The following LDB3 variants were observed in gnomAD, a reference collection of about 807,000 sequenced individuals.
The protein encoded by LDB3 is LIM domain-binding protein 3.
In LDB3, 49 loss-of-function variants were observed where a neutral mutation model predicts 69.0. The observed-to-expected ratio is 0.71, with a 90% CI of 0.56 to 0.90. LDB3 has a LOEUF of 0.90. Among genes scored for constraint, LDB3 ranks in the 40% least tolerant of loss-of-function variants. LDB3 has a pLI of 0.00. For synonymous variants in LDB3, 387 were observed against 396.2 expected, an observed-to-expected ratio of 0.98 and a Z score of 0.28; for missense variants, 928 against 974.1, an observed-to-expected ratio of 0.95 and a Z score of 0.63.
chr10:86,687,045 C>A (rs780678582), intron 5 of LDB3: 16 of 1,611,146 alleles, frequency 9.9e-6, no homozygotes, highest in Non-Finnish European at 1.4e-5. Flanking sequence ...TCTCCCTGCC[C>A]GTACTCCCGC....
chr10:86,678,552 C>G (rs1304672647), intron 2 of LDB3, among the ~76,000 whole-genome samples: 1 of 151,836 alleles, frequency 6.6e-6, no homozygotes, highest in Non-Finnish European at 1.5e-5. Context: ...ATTGGCCAGG[C>G]TGATCTCGAA....
chr10:86,724,240 A>G (rs58389996), intron 12 of LDB3, among the ~76,000 whole-genome samples: 35,273 of 150,690 alleles, frequency 0.23, 4,836 homozygotes, highest in East Asian at 0.58. Flanking sequence ...GAACCCTGGG[A>G]GGCAGAGGTT....
intron 9 of LDB3, among the ~76,000 whole-genome samples, chr10:86,716,112 G>C (rs1234719227): frequency 6.6e-6 from 1 of 152,132 alleles, no homozygotes; most frequent in African/African-American, 2.4e-5. Context: ...CCTGTCGAGG[G>C]TTCTGCTGTG....
intron 9 of LDB3, among the ~76,000 whole-genome samples, chr10:86,713,196 C>T (rs1171523123): frequency 6.6e-6 from 1 of 152,156 alleles, no homozygotes; most frequent in Non-Finnish European, 1.5e-5. Flanking sequence ...AGCTGCTCAT[C>T]GGCCACGTAG....
chr10:86,719,253 G>A (rs111698646), intron 12 of LDB3, among the ~76,000 whole-genome samples: 6 of 152,268 alleles, frequency 3.9e-5, no homozygotes, highest in African/African-American at 1.2e-4. Context: ...TTAGCCAGGT[G>A]TGGTGGCGCG....
intron 13 of LDB3, among the ~76,000 whole-genome samples, chr10:86,730,775 A>G (rs1847426339): frequency 6.6e-6 from 1 of 152,190 alleles, no homozygotes; most frequent in Admixed American, 6.5e-5. Flanking sequence ...GGTCCATGGT[A>G]GTCCCCACAA....
chr10:86,697,443 A>G (rs990465508), intron 7 of LDB3, among the ~76,000 whole-genome samples: 2 of 148,302 alleles, frequency 1.3e-5, no homozygotes, highest in Admixed American at 6.7e-5. Flanking sequence ...CTGGTCTTGA[A>G]CTCCTGACCT....
intron 11 of LDB3, 77 bp from the exon 12 acceptor site, chr10:86,718,650 A>G: frequency 6.3e-7 from 1 of 1,599,198 alleles, no homozygotes; most frequent in Non-Finnish European, 8.6e-7. Flanking sequence ...ATGCTCGGGC[A>G]GTGGCTGGAG....
chr10:86,711,944 C>A (rs915408413), intron 9 of LDB3, among the ~76,000 whole-genome samples: 8 of 152,068 alleles, frequency 5.3e-5, no homozygotes, highest in African/African-American at 1.9e-4. Context: ...TTTGAACTTG[C>A]CAATTAGAGA....
chr10:86,678,583 C>A (rs1844936456), intron 2 of LDB3, among the ~76,000 whole-genome samples: 1 of 152,064 alleles, frequency 6.6e-6, no homozygotes, highest in South Asian at 2.1e-4. Flanking sequence ...TGTGATCCAC[C>A]CACCTTGGCC....
At chr10:86,666,837 G>T (rs550972381), upstream of LDB3, 326 of 469,870 alleles carry the variant, frequency 6.9e-4, 2 homozygotes, top group African/African-American at 6.2e-3. Flanking sequence ...GAGAGACAGC[G>T]TGCAGCTCCA....
At position 86,706,718 on chromosome 10, in the gene LDB3, A is replaced by G. The variant is rs1341773470; in HGVS notation, c.1084A>G (p.Arg362Gly). The G allele has an allele frequency of 2.5e-6, 4 of 1,610,872 alleles. No individual in the cohort carries two copies. Among genetic ancestry groups the G allele is most frequent in the East Asian group, 2.2e-5 (1 of 44,820 alleles). ...APASSPADSP[R>G]PQASSYSPAV... ...TGCTTCAAGTCCTGCCGACAGCCCA[A>G]GGTAACTGGGCCACAGGTGCTGGGC... The change falls in exon 8 of 14, where the codon AGG becomes GGG. Residue 362 changes from arginine to glycine, a missense_variant and splice_region_variant. Physicochemically the swap from Arg to Gly is moderately radical, Grantham distance 125. Coordinates refer to ENST00000361373, the MANE Select transcript of LDB3 (RefSeq NM_007078.3).
Position 86,699,395 on chromosome 10 carries a change from C to T in LDB3, c.896+6824C>T, listed in dbSNP as rs752050928. 1.9e-6 allele frequency: 3 copies of T among 1,613,436 alleles called. No homozygotes were observed. Among genetic ancestry groups the T allele is most frequent in the Admixed American group, 1.7e-5 (1 of 60,012 alleles). On this transcript the variant is annotated intron_variant, in intron 7 of 13. Coordinates refer to ENST00000361373, the MANE Select transcript of LDB3 (RefSeq NM_007078.3). This position sits in a 1 kb window ranked among gnomAD's most constrained non-coding sequence, Gnocchi z 4.9. ...GCTAAAAGGCTGCCTGGAATCCCCCCACCCCAACAGGCTGGACTCCCTCCA... is the reference window on the plus strand; with the variant it reads ...GCTAAAAGGCTGCCTGGAATCCCCCTACCCCAACAGGCTGGACTCCCTCCA...
chr10:86,721,007 G>A (rs1847063962), intron 12 of LDB3, among the ~76,000 whole-genome samples: 1 of 152,140 alleles, frequency 6.6e-6, no homozygotes, highest in Non-Finnish European at 1.5e-5. Context: ...ATGAGGTCTT[G>A]CTATGTTGCC....
chr10:86,721,763 C>T (rs1038314290), intron 12 of LDB3, among the ~76,000 whole-genome samples: 6 of 152,212 alleles, frequency 3.9e-5, no homozygotes, highest in African/African-American at 9.7e-5. Context: ...GAGCCTGGCA[C>T]GCTGTGTTTC....
chr10:86,684,543 T>C (rs1782544940), intron 5 of LDB3, among the ~76,000 whole-genome samples: 1 of 152,240 alleles, frequency 6.6e-6, no homozygotes, highest in Non-Finnish European at 1.5e-5. Context: ...ATAGCTCCAC[T>C]TGCAGCTATT....
intron 5 of LDB3, among the ~76,000 whole-genome samples, chr10:86,688,668 G>C (rs1176558814): frequency 6.6e-6 from 1 of 152,166 alleles, no homozygotes; most frequent in African/African-American, 2.4e-5. Context: ...GAAAAACAAG[G>C]CTGCCTAAGC....
At chr10:86,690,242 C>T (rs1234455692) in intron 5 of LDB3, among the ~76,000 whole-genome samples, 1 of 152,196 alleles carries the variant, frequency 6.6e-6, no homozygotes, top group East Asian at 1.9e-4. Context: ...CTTCCCTCCC[C>T]TCCCAGTGGG....
At chr10:86,726,547 CA>C in intron 13 of LDB3, 1 of 443,362 alleles carries the variant, frequency 2.3e-6, no homozygotes, top group Non-Finnish European at 4.2e-6. Context: ...TGTCAGCGGG[CA>C]AAAGCAGCAG....
Sources: allele counts gnomAD v4.1 joint callset (sites outside exome capture counted in the v4.1 genomes callset), GRCh38; gene constraint gnomAD v4.1.1; non-coding constraint Gnocchi (gnomAD v3.1); transcripts MANE v1.5; gene names NCBI Gene and HGNC (gene_info 2026-07-23, HGNC 2026-07-21).